MMS19: variants seen among roughly 807,000 people sequenced by gnomAD.
MMS19 encodes the protein MMS19 cytosolic iron-sulfur assembly component, also known as MMS19 nucleotide excision repair protein homolog.
MMS19 carries 77 observed loss-of-function variants against 129.8 expected under a neutral mutation model. The ratio of observed to expected loss-of-function variants is 0.59; its 90% confidence interval spans 0.49 to 0.72. The LOEUF is 0.72. Among genes scored for constraint, MMS19 ranks in the 30% least tolerant of loss-of-function variants. The pLI, the probability that MMS19 is intolerant of heterozygous loss-of-function variation, is 0.00. For synonymous variants in MMS19, 491 were observed against 502.8 expected, an observed-to-expected ratio of 0.98 and a Z score of 0.31; for missense variants, 1,168 against 1,266.3, an observed-to-expected ratio of 0.92 and a Z score of 1.18.
intron 8 of MMS19, 93 bp from the exon 9 acceptor site, chr10:97,470,954 A>G (rs2135334493): frequency 1.2e-6 from 1 of 858,038 alleles, no homozygotes; most frequent in East Asian, 2.8e-5. Context: ...ACAGGGTGAT[A>G]CTCATACCCA....
At chr10:97,482,761 CACACACATAT>C (rs2037082433) in intron 2 of MMS19, among the ~76,000 whole-genome samples, 1 of 148,752 alleles carries the variant, frequency 6.7e-6, no homozygotes, top group African/African-American at 2.5e-5. Flanking sequence ...CACACACACA[CACACACATAT>C]ATTTTTTGAG....
chr10:97,478,772 G>A (rs1004335304), intron 3 of MMS19, among the ~76,000 whole-genome samples: 1 of 151,878 alleles, frequency 6.6e-6, no homozygotes, highest in Non-Finnish European at 1.5e-5. Context: ...AGACAACAGG[G>A]AAATAAATGA....
intron 18 of MMS19, among the ~76,000 whole-genome samples, chr10:97,465,113 G>A (rs2033144483): frequency 6.6e-6 from 1 of 152,006 alleles, no homozygotes; most frequent in South Asian, 2.1e-4. Flanking sequence ...AGGTTCAAAC[G>A]ATTATCCTGC....
chr10:97,461,481 G>A lies in MMS19; in HGVS notation c.2311+15C>T, dbSNP rs773244492. 11 of 1,606,466 alleles carry A rather than the reference G, an allele frequency of 6.8e-6. No individual in the cohort carries two copies. Among genetic ancestry groups the A allele is most frequent in the Middle Eastern group, 1.7e-4 (1 of 5,974 alleles). On this transcript the variant is annotated intron_variant, in intron 23 of 30. Transcript: ENST00000438925. ...TTGATTCTGGGAGGCTCCTTACATA[G>A]TCTGATCTCAGTACCTGCAGGGTGC...
intron 18 of MMS19, among the ~76,000 whole-genome samples, chr10:97,464,611 G>A (rs939395218): frequency 2.0e-5 from 3 of 152,048 alleles, no homozygotes; most frequent in African/African-American, 7.3e-5. Flanking sequence ...CATGCTGCTG[G>A]TTAACAGACC....
In MMS19 at chr10:97,459,444, A is replaced by T; in HGVS notation, c.2822T>A (p.Leu941Gln). ...LSTLSCLQPL[L>Q]LEAPQVMSLH... Reference sequence around the variant, plus strand: ...ACTCATGACTTGGGGTGCTTCCAGTAGAAGAGGCTGAAGGCAGCTGAGGGT... The same window carrying T: ...ACTCATGACTTGGGGTGCTTCCAGTTGAAGAGGCTGAAGGCAGCTGAGGGT... The change falls in exon 28 of 31, where the codon CTA (leucine) becomes CAA (glutamine). Residue 941 changes from leucine (L) to glutamine (Q), a missense_variant. This residue lies in a region of MMS19 where 831 missense variants were observed against 910.8 expected (regional missense o/e 0.91). Transcript: ENST00000438925. 6.2e-7 allele frequency: 1 copy of T among 1,611,446 alleles called. No homozygotes were observed. The highest frequency in any genetic ancestry group is 8.5e-7 in the Non-Finnish European group (1 of 1,178,876).
intron 12 of MMS19, 108 bp from the exon 13 acceptor site, chr10:97,468,514 T>A: frequency 9.2e-7 from 1 of 1,090,152 alleles, no homozygotes; most frequent in Non-Finnish European, 1.3e-6. Context: ...TGCAAGCAGT[T>A]AACACTCAAA....
chr10:97,486,861 C>CTATATATATATATATA (rs1564694696), intron 1 of MMS19, among the ~76,000 whole-genome samples: 9 of 15,596 alleles, frequency 5.8e-4, no homozygotes, highest in South Asian at 4.7e-3. Context: ...AATTAAAGTG[C>CTATATATATATATATA]CATATATATA....
intron 2 of MMS19, among the ~76,000 whole-genome samples, chr10:97,481,656 G>A (rs1461029245): frequency 1.3e-5 from 2 of 152,114 alleles, no homozygotes; most frequent in Non-Finnish European, 2.9e-5. Flanking sequence ...AAGCAACAAG[G>A]AAGTGACTTA....
Position 97,485,666 on chromosome 10 carries a change from T to C in MMS19, c.113-1515A>G, listed in dbSNP as rs1176335804. Reference sequence around the variant, plus strand: ...CTTTACAATGTTGGCCAGGCTGGTGTTGAACTCCTGACCTCAGGTGATCCA... The same window carrying C: ...CTTTACAATGTTGGCCAGGCTGGTGCTGAACTCCTGACCTCAGGTGATCCA... On this transcript the variant is annotated intron_variant, in intron 1 of 30. Transcript: ENST00000438925. Among the ~76,000 whole-genome samples the C allele has an allele frequency of 2.0e-5, 3 of 152,206 alleles. No homozygotes were observed. The East Asian group carries it at 5.8e-4, about 29-fold the overall frequency.
At chr10:97,497,748 C>T (rs2040063172) in intron 1 of MMS19, among the ~76,000 whole-genome samples, 1 of 152,250 alleles carries the variant, frequency 6.6e-6, no homozygotes, top group African/African-American at 2.4e-5. Flanking sequence ...TTAAGGAGGA[C>T]ACCCAGAACA....
At chr10:97,481,918 C>G (rs368418330) in intron 2 of MMS19, among the ~76,000 whole-genome samples, 23 of 152,298 alleles carry the variant, frequency 1.5e-4, no homozygotes, top group African/African-American at 5.3e-4. Flanking sequence ...TGGCTCACAC[C>G]TGTAATCCCA....
rs113700213 is a variant in MMS19 at position 97,465,757 on chromosome 10, C to T, written c.1756+48G>A. 2.3e-3 allele frequency: 3,614 copies of T among 1,569,186 alleles called. 87 individuals carry two copies. In the African/African-American group the frequency reaches 0.044, roughly 19 times the overall value. On this transcript the variant is annotated intron_variant, in intron 18 of 30. Coordinates refer to ENST00000438925, the MANE Select transcript of MMS19 (RefSeq NM_022362.5). ...GCTAGAACCACTGCCTTAGAGACTA[C>T]AGCTCCCTATTCAGCCCAGTCCGTT...
rs1156700569 is a variant in MMS19 at position 97,458,815 on chromosome 10, G to A, written c.3050C>T (p.Ser1017Leu). 2 of 1,613,996 alleles carry A rather than the reference G, an allele frequency of 1.2e-6. No homozygotes were observed. Among genetic ancestry groups the A allele is most frequent in the East Asian group, 2.2e-5 (1 of 44,872 alleles). ...AGAAACTCACCACTCCCCTCTGGCTGACACTGCTTCCTTGCGCACCAGTCT... is the reference window on the plus strand; with the variant it reads ...AGAAACTCACCACTCCCCTCTGGCTAACACTGCTTCCTTGCGCACCAGTCT... ...KKRLVRKEAV[S>L]ARGEWFLLGS... The change falls in exon 30 of 31, where the codon TCA becomes TTA. Residue 1017 changes from serine (S) to leucine (L), a missense_variant. Ser to Leu is a moderately radical substitution (Grantham distance 145). Around this residue, in one of 3 missense-constraint regions of MMS19, gnomAD observed 831 missense variants for 910.8 expected, o/e 0.91. Transcript: ENST00000438925.
intron 8 of MMS19, among the ~76,000 whole-genome samples, chr10:97,475,720 G>C (rs949812041): frequency 2.6e-5 from 4 of 152,178 alleles, no homozygotes; most frequent in African/African-American, 9.7e-5. Context: ...CTGGGAGACA[G>C]AGCGAGACTC....
At position 97,469,075 on chromosome 10, in the gene MMS19, C is replaced by T; in HGVS notation, c.954G>A (p.Glu318=). 1 of 1,581,256 alleles carries T rather than the reference C, an allele frequency of 6.3e-7. No individual in the cohort carries two copies. The highest frequency in any genetic ancestry group is 8.6e-7 in the Non-Finnish European group (1 of 1,165,864). The change falls in exon 12 of 31, where the codon GAG becomes GAA. Residue 318 remains glutamate, a synonymous_variant. Coordinates refer to ENST00000438925, the MANE Select transcript of MMS19 (RefSeq NM_022362.5). ...AGTGGAGGGCCGCCAGGCCCTCTGC[C>T]TCCACCCGCTCACTTGCCGTCTGGA... ...EVFQTASERV[E]AEGLAALHSL...
At chr10:97,478,153 G>T (rs1181710630) in intron 4 of MMS19, 151 bp downstream of exon 4, 6 of 695,986 alleles carry the variant, frequency 8.6e-6, no homozygotes, top group African/African-American at 7.2e-5. Context: ...TCTCTAGAGG[G>T]AAAACGGAAG....
intron 13 of MMS19, 78 bp from the exon 14 acceptor site, chr10:97,467,661 A>G: frequency 2.2e-6 from 3 of 1,377,848 alleles, no homozygotes; most frequent in Non-Finnish European, 3.0e-6. Flanking sequence ...TATAGGGAAA[A>G]TTCTTTCTTT....
In MMS19 at chr10:97,476,758, G is replaced by T; in HGVS notation, c.623-14C>A. 6.2e-7 allele frequency: 1 copy of T among 1,613,782 alleles called. No individual in the cohort carries two copies. The highest frequency in any genetic ancestry group is 2.2e-5 in the East Asian group (1 of 44,876). On this transcript the variant is annotated splice_polypyrimidine_tract_variant and intron_variant, in intron 7 of 30. Coordinates refer to ENST00000438925, the MANE Select transcript of MMS19 (RefSeq NM_022362.5). ...CCACAAAGGGTCCTGTGGCAACAGA[G>T]AAAAAATGAGGTTGGTTTATCAGCT...
Sources: gnomAD v4.1 joint callset for allele counts (sites outside exome capture counted in the v4.1 genomes callset) on GRCh38, gnomAD v4.1.1 for gene constraint, gnomAD v4.1.1 regional missense constraint, MANE v1.5 for transcripts, NCBI Gene and HGNC (gene_info 2026-07-23, HGNC 2026-07-21) for gene names.